The following USH2A variants were observed in gnomAD, a reference collection of about 807,000 sequenced individuals.
USH2A encodes the protein Usher syndrome 2A (autosomal recessive, mild).
In USH2A, 443 loss-of-function variants were observed where a neutral mutation model predicts 538.9. The ratio of observed to expected loss-of-function variants is 0.82; its 90% CI spans 0.76 to 0.89. The LOEUF (loss-of-function observed/expected upper bound fraction) is 0.89, where lower values mean the gene tolerates loss of function less well. USH2A is among the 40% of genes least tolerant of loss of function. USH2A has a pLI of 0.00. For synonymous variants in USH2A, 2,413 were observed against 2,273.5 expected (o/e 1.06, Z -1.75); for missense variants, 6,633 against 6,324.8 (o/e 1.05, Z -1.65).
intron 32 of USH2A, among the ~76,000 whole-genome samples, chr1:216,041,262 T>A (rs1365464866): frequency 1.3e-5 from 2 of 152,050 alleles, no homozygotes; most frequent in African/African-American, 4.8e-5. Context: ...TGACCCACCA[T>A]ACTACTAGCT....
chr1:216,046,334 G>T, intron 32 of USH2A, 97 bp downstream of exon 32: 2 of 1,314,666 alleles, frequency 1.5e-6, no homozygotes, highest in East Asian at 2.4e-5. Context: ...GATTAAATTT[G>T]CAGATATGGA....
chr1:215,704,354 C>G (rs1294774924), intron 61 of USH2A, among the ~76,000 whole-genome samples: 2 of 152,194 alleles, frequency 1.3e-5, no homozygotes, highest in Admixed American at 6.5e-5. Flanking sequence ...CACTTAGTTT[C>G]AGGAGAGGAA....
chr1:216,220,502 G>C (rs2035435646), intron 14 of USH2A, among the ~76,000 whole-genome samples: 1 of 150,926 alleles, frequency 6.6e-6, no homozygotes, highest in African/African-American at 2.4e-5. Flanking sequence ...GGGATGGGAA[G>C]GGTAATTTTA....
intron 3 of USH2A, among the ~76,000 whole-genome samples, chr1:216,374,778 T>A (rs1321974208): frequency 6.6e-6 from 1 of 152,096 alleles, no homozygotes; most frequent in Non-Finnish European, 1.5e-5. Context: ...GCATTCTGGA[T>A]CATATTGACA....
At chr1:216,260,703 G>A (rs967018043) in intron 11 of USH2A, among the ~76,000 whole-genome samples, 1 of 152,104 alleles carries the variant, frequency 6.6e-6, no homozygotes, top group East Asian at 1.9e-4. Context: ...CTACTCCACA[G>A]TGACATCAGT....
At chr1:215,685,604 C>A (rs2797243) in intron 61 of USH2A, among the ~76,000 whole-genome samples, 4 of 151,828 alleles carry the variant, frequency 2.6e-5, no homozygotes, top group African/African-American at 7.3e-5. Context: ...GTGATCCACC[C>A]GCCATGGCCT....
chr1:215,674,325 G>C lies in USH2A; in HGVS notation c.13586C>G (p.Pro4529Arg), dbSNP rs754560573. The stretch of plus-strand genomic sequence containing the variant: ...AGGTTCCATCCCTGAGGGTGCTGAG[G>C]GGCTGGTTCGATCTTTGACAAGAGG... ...LSPLVKDRTS[P>R]SAPSGMEPPK... The change falls in exon 63 of 72, where the codon CCC (proline) becomes CGC (arginine). Residue 4529 changes from proline (P) to arginine (R), a missense_variant. By Grantham distance (103) the Pro-to-Arg change is moderately radical (BLOSUM62 -2). Transcript: ENST00000307340. 6 of 1,613,806 alleles carry C rather than the reference G, an allele frequency of 3.7e-6. No homozygotes were observed. The highest frequency in any genetic ancestry group is 5.1e-6 in the Non-Finnish European group (6 of 1,179,932).
chr1:216,230,575 A>G (rs2035657316), intron 14 of USH2A, among the ~76,000 whole-genome samples: 1 of 152,180 alleles, frequency 6.6e-6, no homozygotes, highest in African/African-American at 2.4e-5. Context: ...AAAATGAACT[A>G]GTTTAAGTTC....
chr1:215,970,478 A>T, intron 36 of USH2A, 147 bp downstream of exon 36: 1 of 965,008 alleles, frequency 1.0e-6, no homozygotes, highest in Non-Finnish European at 1.6e-6. Flanking sequence ...AGTAACTCTT[A>T]AATGAACTTT....
chr1:216,313,662 T>A (rs1423474028), intron 9 of USH2A, among the ~76,000 whole-genome samples: 1 of 152,196 alleles, frequency 6.6e-6, no homozygotes, highest in Non-Finnish European at 1.5e-5. Flanking sequence ...ACATTATATA[T>A]CCTTATGAAA....
At chr1:216,323,273 G>A (rs920900296) in intron 8 of USH2A, among the ~76,000 whole-genome samples, 12 of 102,210 alleles carry the variant, frequency 1.2e-4, no homozygotes, top group South Asian at 1.0e-3. Flanking sequence ...TATAAAATAC[G>A]TTTTATATAT....
intron 20 of USH2A, among the ~76,000 whole-genome samples, chr1:216,176,217 G>A (rs553363212): frequency 6.6e-6 from 1 of 151,944 alleles, no homozygotes; most frequent in South Asian, 2.1e-4. Context: ...TGTGCCAGGG[G>A]TAACCTTTAT....
In USH2A at chr1:216,354,188, A is replaced by AT. The variant is rs552419549; in HGVS notation, c.784+10764dup. Reference sequence around the variant, plus strand: ...CAGATCAACTTCAAGTCAGTTTGGTATTTTTTCTTTCCTACTGCCCACCCC... The same window carrying AT: ...CAGATCAACTTCAAGTCAGTTTGGTATTTTTTTCTTTCCTACTGCCCACCCC... On this transcript the variant is annotated intron_variant, in intron 4 of 71. Coordinates refer to ENST00000307340, the MANE Select transcript of USH2A (RefSeq NM_206933.4). Among the ~76,000 whole-genome samples the AT allele has an allele frequency of 5.5e-3, 830 of 152,200 alleles. 10 individuals carry two copies. The highest frequency in any genetic ancestry group is 0.018 in the African/African-American group (766 of 41,542).
At chr1:216,397,754 G>A (rs555592879) in intron 3 of USH2A, among the ~76,000 whole-genome samples, 47 of 152,222 alleles carry the variant, frequency 3.1e-4, no homozygotes, top group Non-Finnish European at 4.0e-4. Flanking sequence ...CAGCTTCCCT[G>A]GTTTTGAAGC....
chr1:215,972,643 C>T (rs1165168938), intron 35 of USH2A, among the ~76,000 whole-genome samples: 5 of 152,098 alleles, frequency 3.3e-5, no homozygotes. Context: ...TGAGTTAATA[C>T]TTTTAAAAAG....
chr1:215,728,332 CTCCT>C lies in USH2A; in HGVS notation c.11760_11763del (p.Gly3921ProfsTer11). 1 of 1,614,212 alleles carries C rather than the reference CTCCT, an allele frequency of 6.2e-7. No individual in the cohort carries two copies. The highest frequency in any genetic ancestry group is 8.5e-7 in the Non-Finnish European group (1 of 1,180,040). ...TCTCCTTCATCCATAAATTCAAGGG[CTCCT>C]TCTGACCAGACAAATAAAACAGACT... is the stretch of plus-strand genomic sequence containing the variant. On this transcript the variant is annotated frameshift_variant, in exon 61 of 72. Transcript: ENST00000307340. LOFTEE classifies it high-confidence loss of function.
chr1:216,259,143 C>T (rs932821202), intron 11 of USH2A, among the ~76,000 whole-genome samples: 1 of 152,090 alleles, frequency 6.6e-6, no homozygotes. Flanking sequence ...ATCAGCACTA[C>T]ACTTTCTTAC....
chr1:215,857,276 T>C (rs1364104294), intron 44 of USH2A, among the ~76,000 whole-genome samples: 1 of 152,196 alleles, frequency 6.6e-6, no homozygotes, highest in Non-Finnish European at 1.5e-5. Flanking sequence ...TCCCATTAAA[T>C]AAGATAGAAA....
At chr1:216,090,124 A>G (rs1263653285) in intron 22 of USH2A, among the ~76,000 whole-genome samples, 1 of 152,056 alleles carries the variant, frequency 6.6e-6, no homozygotes, top group African/African-American at 2.4e-5. Flanking sequence ...AATTAAAAAA[A>G]TTAGATTGGG....
Sources: gnomAD v4.1 joint callset for allele counts (sites outside exome capture counted in the v4.1 genomes callset) on GRCh38, gnomAD v4.1.1 for gene constraint, MANE v1.5 for transcripts, NCBI Gene and HGNC (gene_info 2026-07-23, HGNC 2026-07-21) for gene names.